The following CNN2 variants were observed in gnomAD, a reference collection of about 807,000 sequenced individuals.
The protein encoded by CNN2 is calponin 2, also known as calponin-2.
In CNN2, 21 loss-of-function variants were observed where a neutral mutation model predicts 31.0. That is an observed-to-expected ratio of 0.68 (90% confidence interval 0.48 to 0.98). CNN2 has a LOEUF of 0.98. Among genes scored for constraint, CNN2 ranks in the 50% least tolerant of loss-of-function variants. CNN2 has a pLI of 0.00. For synonymous variants in CNN2, 165 were observed against 179.6 expected (o/e 0.92, Z 0.65); for missense variants, 399 against 427.3 (o/e 0.93, Z 0.58).
chr19:1,037,471 C>T (rs1339178906), intron 6 of CNN2, 154 bp from the exon 7 acceptor site: 10 of 909,960 alleles, frequency 1.1e-5, no homozygotes, highest in East Asian at 7.4e-5. Context: ...AGGGTTTCAC[C>T]GTGTTGGCCA....
intron 4 of CNN2, 180 bp from the exon 5 acceptor site, chr19:1,035,950 T>G: frequency 1.2e-6 from 1 of 855,886 alleles, no homozygotes; most frequent in Non-Finnish European, 1.6e-6. Context: ...CTGAAACAGC[T>G]GTATGATGGG....
chr19:1,036,420 GCACCAA>G lies in CNN2; in HGVS notation c.515_520del (p.Thr172_Asn173del). 1.2e-6 allele frequency: 2 copies of G among 1,613,466 alleles called. No homozygotes were observed. The highest frequency in any genetic ancestry group is 2.7e-5 in the African/African-American group (2 of 75,028). On this transcript the variant is annotated inframe_deletion, in exon 6 of 7. Coordinates refer to ENST00000263097, the MANE Select transcript of CNN2 (RefSeq NM_004368.4). ...CTCCCACGAACCTCCCTGCAGATGG[GCACCAA>G]CAAATGCGCCAGCCAGTCGGGCATG...
Position 1,038,014 on chromosome 19 carries a change from A to T in CNN2, c.*114A>T. ...CCCGTTCAGTGCTGCCAGTCAACCA[A>T]GGGTCTGTGAGTGTCAGCGTGGGAT... On this transcript the variant is annotated 3_prime_UTR_variant, in exon 7 of 7. Transcript: ENST00000263097. 1 of 1,081,118 alleles carries T rather than the reference A, an allele frequency of 9.2e-7. No homozygotes were observed. 67.0% of individuals were successfully genotyped at this position (1,081,118 alleles called of 1,614,324 possible). A position where few individuals can be genotyped will look rare whatever the true frequency, so the allele number is the denominator to read the frequency against.
At position 1,037,862 on chromosome 19, in the gene CNN2, G is replaced by A. The variant is rs202004394; in HGVS notation, c.892G>A (p.Glu298Lys). Residue 298 changes from glutamate to lysine, a missense_variant, in exon 7 of 7, where the codon GAA (glutamate) becomes AAA (lysine). Physicochemically the swap from Glu to Lys is moderately conservative, Grantham distance 56 (BLOSUM62 1). Transcript: ENST00000263097. ...CTGCCCGGACCCGGGGGAGGTCCCT[G>A]AATATCCCCCTTACTACCAGGAGGA... ...GDCPDPGEVP[E>K]YPPYYQEEAG... The A allele has an allele frequency of 1.1e-5, 17 of 1,601,140 alleles. No homozygotes were observed. Among genetic ancestry groups the A allele is most frequent in the Non-Finnish European group, 1.4e-5 (16 of 1,172,034 alleles).
Position 1,026,647 on chromosome 19 carries a change from G to T in CNN2, c.-15G>T, listed in dbSNP as rs767765420. The T allele has an allele frequency of 2.0e-6, 3 of 1,530,414 alleles. No individual in the cohort carries two copies. Among genetic ancestry groups the T allele is most frequent in the Non-Finnish European group, 2.6e-6 (3 of 1,139,338 alleles). 94.8% of individuals were successfully genotyped at this position (1,530,414 alleles called of 1,614,324 possible). The stretch of plus-strand genomic sequence containing the variant: ...CCGTCCTGTGCGGCCCCGTCCCGCC[G>T]CCCGCCCGCCAGCCATGAGCTCCAC... On this transcript the variant is annotated 5_prime_UTR_variant, in exon 1 of 7. Transcript: ENST00000263097.
intron 4 of CNN2, among the ~76,000 whole-genome samples, chr19:1,035,245 G>A (rs924569175): frequency 4.0e-5 from 5 of 125,812 alleles, no homozygotes; most frequent in Non-Finnish European, 7.1e-5. Context: ...ACGGTGTCTG[G>A]TGTAGAATGG....
intron 4 of CNN2, 140 bp from the exon 5 acceptor site, chr19:1,035,990 C>G: frequency 2.2e-6 from 3 of 1,344,188 alleles, no homozygotes. Context: ...CCCAGACACC[C>G]GAGAGATGTG....
At chr19:1,032,503 T>C (rs2039515312) in intron 3 of CNN2, 45 bp downstream of exon 3, 1 of 1,613,396 alleles carries the variant, frequency 6.2e-7, no homozygotes, top group Admixed American at 1.7e-5. Context: ...TGGGGGCCCA[T>C]CTAACAGGTG....
intron 2 of CNN2, among the ~76,000 whole-genome samples, 167 bp downstream of exon 2, chr19:1,031,359 G>A (rs1471185808): frequency 5.3e-5 from 8 of 150,266 alleles, no homozygotes; most frequent in South Asian, 4.2e-4. Flanking sequence ...GGTGGATCTC[G>A]AGGTCAGGAG....
At position 1,038,869 on chromosome 19, in the gene CNN2, C is replaced by G. The variant is rs1313091606; in HGVS notation, c.*969C>G. ...GATTACAGGTGTGAGCCACCGTGCCCAGCCCCTCAGTAGGTTTTAAGGAGC... is the reference window on the plus strand; with the variant it reads ...GATTACAGGTGTGAGCCACCGTGCCGAGCCCCTCAGTAGGTTTTAAGGAGC... On this transcript the variant is annotated 3_prime_UTR_variant, in exon 7 of 7. Transcript: ENST00000263097. 2 of 152,306 alleles carry G rather than the reference C, an allele frequency of 1.3e-5. No individual in the cohort carries two copies. The highest frequency in any genetic ancestry group is 4.8e-5 in the African/African-American group (2 of 41,424). 9.4% of individuals were successfully genotyped at this position (152,306 alleles called of 1,614,324 possible).
Position 1,036,138 on chromosome 19 carries a change from T to A in CNN2, c.399T>A (p.Thr133=), listed in dbSNP as rs749705196. Residue 133 remains threonine (T), a synonymous_variant, in exon 5 of 7, where the codon ACT becomes ACA. Coordinates refer to ENST00000263097, the MANE Select transcript of CNN2 (RefSeq NM_004368.4). ...CCCTTTCCCTCACCCAGGCCAAGAC[T>A]AAGGGGCTGCAGAGCGGGGTGGACA... ...SLLALAGKAK[T]KGLQSGVDIG... The A allele has an allele frequency of 3.7e-6, 6 of 1,610,840 alleles. No individual in the cohort carries two copies. The highest frequency in any genetic ancestry group is 1.7e-5 in the Admixed American group (1 of 59,546).
intron 1 of CNN2, among the ~76,000 whole-genome samples, chr19:1,027,812 C>A (rs2039423281): frequency 1.3e-5 from 2 of 152,168 alleles, no homozygotes; most frequent in African/African-American, 4.8e-5. Flanking sequence ...CCTCTGCACG[C>A]TCTGAGGGCA....
Position 1,032,444 on chromosome 19 carries a change from C to T in CNN2, c.238C>T (p.Gln80Ter). The change falls in exon 3 of 7, where the codon CAG becomes TAG. Residue 80 changes from glutamine (Q) to a stop codon, truncating the protein, a stop_gained. Coordinates refer to ENST00000263097, the MANE Select transcript of CNN2 (RefSeq NM_004368.4). LOFTEE classifies it high-confidence loss of function. The part of the protein sequence containing the change: ...GSVPKINRSM[Q>*]NWHQLENLSN... The stretch of plus-strand genomic sequence containing the variant: ...CGTCCCCAAGATCAACCGCTCCATG[C>T]AGAACTGGCACCAGGTGAGGGGCTG... 6.2e-7 allele frequency: 1 copy of T among 1,613,708 alleles called. No homozygotes were observed.
intron 4 of CNN2, 28 bp downstream of exon 4, chr19:1,032,724 G>T (rs1276941113): frequency 2.6e-6 from 4 of 1,550,548 alleles, no homozygotes; most frequent in African/African-American, 1.4e-5. Context: ...GCAGCCACCT[G>T]CCCAGAGTCA....
chr19:1,032,711 G>C lies in CNN2; in HGVS notation c.390+15G>C, dbSNP rs1423494032. On this transcript the variant is annotated intron_variant, in intron 4 of 6. Coordinates refer to ENST00000263097, the MANE Select transcript of CNN2 (RefSeq NM_004368.4). The stretch of plus-strand genomic sequence containing the variant: ...TGGCGGGGAAGGTGAGGCCCAGAGA[G>C]GGGCAGCCACCTGCCCAGAGTCACA... 2 of 1,590,592 alleles carry C rather than the reference G, an allele frequency of 1.3e-6. No individual in the cohort carries two copies. The highest frequency in any genetic ancestry group is 1.1e-5 in the South Asian group (1 of 90,036).
At chr19:1,029,787 C>T (rs1008892063) in intron 1 of CNN2, among the ~76,000 whole-genome samples, 2 of 151,816 alleles carry the variant, frequency 1.3e-5, no homozygotes, top group African/African-American at 4.8e-5. Flanking sequence ...GCCTCCTCTG[C>T]CTCCTGGGTT....
intron 1 of CNN2, among the ~76,000 whole-genome samples, chr19:1,029,102 A>T (rs1311233728): frequency 1.6e-4 from 22 of 138,238 alleles, no homozygotes; most frequent in Non-Finnish European, 2.8e-4. Flanking sequence ...AGGGGACCCT[A>T]ACCCAAATCA....
intron 6 of CNN2, 105 bp downstream of exon 6, chr19:1,036,667 C>A: frequency 1.4e-6 from 2 of 1,422,488 alleles, no homozygotes; most frequent in South Asian, 1.1e-5. Context: ...CACTCTCAGT[C>A]TCAGCCCCTT....
chr19:1,031,338 T>TGGGGGGGGGGGGGGGGG, intron 2 of CNN2, 146 bp downstream of exon 2: 3 of 33,996 alleles, frequency 8.8e-5, no homozygotes, highest in Non-Finnish European at 1.7e-4. Flanking sequence ...CCGAGGGTGG[T>TGGGGGGGGGGGGGGGGG]GGCGGGGGGC....
Sources: allele counts gnomAD v4.1 joint callset (sites outside exome capture counted in the v4.1 genomes callset), GRCh38; gene constraint gnomAD v4.1.1; transcripts MANE v1.5; gene names NCBI Gene and HGNC (gene_info 2026-07-23, HGNC 2026-07-21).